The following CERKL variants were observed in gnomAD, a reference collection of about 807,000 sequenced individuals.
CERKL encodes the protein ceramide kinase-like protein.
CERKL carries 61 observed loss-of-function variants against 63.4 expected under a neutral mutation model. The observed-to-expected ratio is 0.96, with a 90% CI of 0.78 to 1.19. The LOEUF is 1.19. Among genes scored for constraint, CERKL ranks in the 50% most tolerant of loss-of-function variants. The pLI is 0.00. For missense variants in CERKL, 675 were observed against 655.5 expected (o/e 1.03, Z -0.33); for synonymous variants, 250 against 230.5 (o/e 1.08, Z -0.77).
rs115294673 is a variant in CERKL at position 181,557,704 on chromosome 2, C to T, written c.820+862G>A. 3.8e-3 allele frequency among the ~76,000 whole-genome samples: 572 copies of T among 152,266 alleles called. 7 individuals are homozygous for T. The highest frequency in any genetic ancestry group is 0.013 in the African/African-American group (547 of 41,546). On this transcript the variant is annotated intron_variant, in intron 5 of 12. Transcript: ENST00000410087. ...TTGCTCTGAAACATCCCATTATTCCCTACTGCTTATCAAATACAATTCAGA... is the reference window on the plus strand; with the variant it reads ...TTGCTCTGAAACATCCCATTATTCCTTACTGCTTATCAAATACAATTCAGA...
chr2:181,655,769 T>A (rs988562633), intron 1 of CERKL, among the ~76,000 whole-genome samples: 1 of 152,184 alleles, frequency 6.6e-6, no homozygotes. Flanking sequence ...AATTTGTATT[T>A]AGCTAAAAGA....
At chr2:181,605,249 G>T (rs1685630090) in intron 1 of CERKL, among the ~76,000 whole-genome samples, 1 of 152,180 alleles carries the variant, frequency 6.6e-6, no homozygotes, top group African/African-American at 2.4e-5. Flanking sequence ...CTGAGTTAAG[G>T]AGAACTGGGG....
At chr2:181,591,525 CA>C (rs1239204554) in intron 2 of CERKL, among the ~76,000 whole-genome samples, 1 of 151,754 alleles carries the variant, frequency 6.6e-6, no homozygotes, top group Non-Finnish European at 1.5e-5. Flanking sequence ...GTCTAGGGGC[CA>C]AAAAAAGAGC....
chr2:181,567,637 C>T (rs1036309659), intron 3 of CERKL, among the ~76,000 whole-genome samples: 2 of 152,114 alleles, frequency 1.3e-5, no homozygotes, highest in African/African-American at 4.8e-5. Flanking sequence ...TGACTATCTA[C>T]ATCTATAAAA....
At chr2:181,544,216 G>C (rs541053598) in intron 11 of CERKL, among the ~76,000 whole-genome samples, 100 of 152,062 alleles carry the variant, frequency 6.6e-4, no homozygotes. Flanking sequence ...TTCTCATTTT[G>C]AATGAATATT....
chr2:181,647,753 C>G (rs571963095), intron 1 of CERKL, among the ~76,000 whole-genome samples: 153 of 152,144 alleles, frequency 1.0e-3, no homozygotes, highest in African/African-American at 3.5e-3. Context: ...TCTCTAGTAA[C>G]AGACCCCAAA....
Position 181,657,021 on chromosome 2 carries a change from C to T in CERKL, c.-15G>A. On this transcript the variant is annotated 5_prime_UTR_variant, in exon 1 of 13. Transcript: ENST00000410087. ...CTCCAGGGCATGGCGGAGTCGCAGG[C>T]TGGGCCCGAGCCAGGGGTCCGGGGA... 6.4e-7 allele frequency: 1 copy of T among 1,570,828 alleles called. No individual in the cohort carries two copies. Among genetic ancestry groups the T allele is most frequent in the South Asian group, 1.1e-5 (1 of 87,844 alleles).
intron 1 of CERKL, among the ~76,000 whole-genome samples, chr2:181,631,606 G>A (rs1303834231): frequency 6.6e-6 from 1 of 152,046 alleles, no homozygotes; most frequent in African/African-American, 2.4e-5. Flanking sequence ...TGTCCTAGGA[G>A]CTCATGCTCT....
chr2:181,653,870 T>C (rs907215811), intron 1 of CERKL, among the ~76,000 whole-genome samples: 9 of 152,144 alleles, frequency 5.9e-5, no homozygotes, highest in East Asian at 1.9e-4. Flanking sequence ...AACAGTAAAA[T>C]ACTATATATT....
chr2:181,610,166 C>G (rs557699590), intron 1 of CERKL, among the ~76,000 whole-genome samples: 2 of 152,084 alleles, frequency 1.3e-5, no homozygotes, highest in Non-Finnish European at 2.9e-5. Context: ...AAGAAAAACA[C>G]TTTAATGGTA....
intron 2 of CERKL, among the ~76,000 whole-genome samples, chr2:181,602,227 C>G (rs58431695): frequency 1.1e-3 from 162 of 152,246 alleles, no homozygotes; most frequent in African/African-American, 3.9e-3. Context: ...CCTTCATAAG[C>G]CCCATGGGAG....
At chr2:181,583,159 A>AG (rs1559089374) in intron 2 of CERKL, among the ~76,000 whole-genome samples, 1 of 151,556 alleles carries the variant, frequency 6.6e-6, no homozygotes, top group South Asian at 2.1e-4. Context: ...CCATTCATTT[A>AG]GAAAAAAAAA....
In CERKL at chr2:181,537,508, A is replaced by ATATAACTATGTGATTT; in HGVS notation, c.*660_*675dup. ...GTTATTCTTTTTTGGCAGGTAGGCT[A>ATATAACTATGTGATTT]TATAACTATGTGATTTTGAAATTTA... On this transcript the variant is annotated 3_prime_UTR_variant, in exon 13 of 13. Transcript: ENST00000410087. 2.2e-6 allele frequency: 1 copy of ATATAACTATGTGATTT among 451,958 alleles called. No homozygotes were observed. The highest frequency in any genetic ancestry group is 4.4e-6 in the Non-Finnish European group (1 of 225,490). 28.0% of individuals were successfully genotyped at this position (451,958 alleles called of 1,614,324 possible).
intron 4 of CERKL, among the ~76,000 whole-genome samples, chr2:181,563,543 A>C (rs1256226337): frequency 3.3e-5 from 5 of 151,448 alleles, no homozygotes; most frequent in African/African-American, 4.9e-5. Flanking sequence ...GCTTCAGGCC[A>C]AAGTTCTTAA....
intron 2 of CERKL, among the ~76,000 whole-genome samples, chr2:181,583,375 A>T (rs2105863450): frequency 6.6e-6 from 1 of 152,300 alleles, no homozygotes; most frequent in African/African-American, 2.4e-5. Flanking sequence ...TCACCTCCTT[A>T]GCTTAGCCTC....
chr2:181,644,205 G>GT (rs913300902), intron 1 of CERKL, among the ~76,000 whole-genome samples: 2 of 152,232 alleles, frequency 1.3e-5, no homozygotes, highest in Non-Finnish European at 2.9e-5. Flanking sequence ...CATACTGGGG[G>GT]TTGGCCCCAC....
At chr2:181,628,429 G>A (rs775442081) in intron 1 of CERKL, among the ~76,000 whole-genome samples, 1 of 152,126 alleles carries the variant, frequency 6.6e-6, no homozygotes, top group African/African-American at 2.4e-5. Flanking sequence ...AATAACTATG[G>A]ATTTGTTCCA....
At chr2:181,555,683 T>A (rs1280970730) in intron 5 of CERKL, among the ~76,000 whole-genome samples, 1 of 152,132 alleles carries the variant, frequency 6.6e-6, no homozygotes, top group Non-Finnish European at 1.5e-5. Context: ...TTTTGCTTTT[T>A]TAGTGATAAT....
At chr2:181,582,239 T>C (rs1574470046) in intron 2 of CERKL, among the ~76,000 whole-genome samples, 1 of 152,178 alleles carries the variant, frequency 6.6e-6, no homozygotes, top group African/African-American at 2.4e-5. Flanking sequence ...AGTGGGATTG[T>C]AATGCTTTAG....
Sources: gnomAD v4.1 joint callset for allele counts (sites outside exome capture counted in the v4.1 genomes callset) on GRCh38, gnomAD v4.1.1 for gene constraint, MANE v1.5 for transcripts, NCBI Gene and HGNC (gene_info 2026-07-23, HGNC 2026-07-21) for gene names.